The following CACNA1C variants were observed in gnomAD, a reference collection of about 807,000 sequenced individuals.
CACNA1C encodes calcium voltage-gated channel subunit alpha1 C, also known as voltage-dependent L-type calcium channel subunit alpha-1C.
In CACNA1C, 30 loss-of-function variants were observed where a neutral mutation model predicts 229.0. The ratio of observed to expected loss-of-function variants is 0.13; its 90% CI spans 0.10 to 0.18. The LOEUF (loss-of-function observed/expected upper bound fraction) is 0.18. Ranked by LOEUF, CACNA1C falls within the 10% of genes least tolerant of loss-of-function variation. The pLI is 1.00. For missense variants in CACNA1C, 1,658 were observed against 2,845.0 expected (o/e 0.58, Z 9.49); for synonymous variants, 1,114 against 1,132.5 (o/e 0.98, Z 0.33).
chr12:2,034,770 G>T lies in CACNA1C; in HGVS notation c.139+63569G>T, dbSNP rs532710864. Among the ~76,000 whole-genome samples the T allele has an allele frequency of 6.6e-6, 1 of 152,340 alleles. No homozygotes were observed. Among genetic ancestry groups the T allele is most frequent in the African/African-American group, 2.4e-5 (1 of 41,586 alleles). On this transcript the variant is annotated intron_variant, in intron 1 of 46. Transcript: ENST00000682462. This position sits in a 1 kb window ranked among gnomAD's most constrained non-coding sequence, Gnocchi z 4.1. ...TGCCTCCTTCGTGCCAGGCTCTGCA[G>T]ATATAGCTGTGAATAACAGATAGTC... is the stretch of plus-strand genomic sequence containing the variant.
chr12:2,242,796 A>G (rs1255862899), intron 3 of CACNA1C, among the ~76,000 whole-genome samples: 2 of 152,238 alleles, frequency 1.3e-5, no homozygotes, highest in Admixed American at 1.3e-4. Flanking sequence ...GGCTTGTCCA[A>G]TAATCTACCA....
At chr12:2,063,166 T>A (rs1425768820) in intron 1 of CACNA1C, among the ~76,000 whole-genome samples, 1 of 151,950 alleles carries the variant, frequency 6.6e-6, no homozygotes. Context: ...TTTTTTTTTT[T>A]TCCTGAGGTG....
chr12:2,118,660 T>C (rs1020398627), intron 2 of CACNA1C, among the ~76,000 whole-genome samples: 1 of 152,162 alleles, frequency 6.6e-6, no homozygotes, highest in Non-Finnish European at 1.5e-5. Flanking sequence ...CTGAGCAAGC[T>C]CTTGGCAGAG....
intron 3 of CACNA1C, among the ~76,000 whole-genome samples, chr12:2,306,726 C>G (rs1287213982): frequency 6.6e-6 from 1 of 152,230 alleles, no homozygotes; most frequent in Non-Finnish European, 1.5e-5. Flanking sequence ...TTGAGACACA[C>G]TGGCTTAAAG....
At chr12:2,498,636 C>T (rs375885982) in intron 7 of CACNA1C, among the ~76,000 whole-genome samples, 1 of 152,188 alleles carries the variant, frequency 6.6e-6, no homozygotes, top group African/African-American at 2.4e-5. Flanking sequence ...GCAGGACATG[C>T]GGAGGAACAC....
intron 22 of CACNA1C, among the ~76,000 whole-genome samples, chr12:2,604,778 T>C (rs570872786): frequency 2.0e-5 from 3 of 152,214 alleles, no homozygotes; most frequent in Non-Finnish European, 4.4e-5. Flanking sequence ...TGAATTTCTT[T>C]CTGTGACACT....
Position 2,688,661 on chromosome 12 carries a change from C to T in CACNA1C, c.5999C>T (p.Pro2000Leu). ...IHCGSWAETTPGGGGSSAARR... is the reference protein window; with the variant it reads ...IHCGSWAETTLGGGGSSAARR... ...TGCGGCTCCTGGGCTGAGACCACCC[C>T]CGGTGGCGGGGGCAGCAGCGCCGCC... Residue 2000 changes from proline to leucine, a missense_variant, in exon 46 of 47, where the codon CCC (proline) becomes CTC (leucine). Pro to Leu is a moderately conservative substitution (Grantham distance 98, BLOSUM62 -3). Around this residue, in one of 20 missense-constraint regions of CACNA1C, gnomAD observed 590 missense variants for 700.8 expected, o/e 0.84. Coordinates refer to ENST00000399655, the MANE Select transcript of CACNA1C (RefSeq NM_000719.7). The T allele has an allele frequency of 6.2e-7, 1 of 1,613,670 alleles. No homozygotes were observed. The highest frequency in any genetic ancestry group is 1.1e-5 in the South Asian group (1 of 91,072).
chr12:2,093,599 G>T (rs753632670), intron 1 of CACNA1C, among the ~76,000 whole-genome samples: 1 of 152,212 alleles, frequency 6.6e-6, no homozygotes, highest in South Asian at 2.1e-4. Flanking sequence ...TCATGTGGGG[G>T]ACTTGCCTCC....
intron 3 of CACNA1C, among the ~76,000 whole-genome samples, chr12:2,235,117 G>C (rs1167297323): frequency 1.3e-5 from 2 of 152,312 alleles, no homozygotes; most frequent in Admixed American, 6.5e-5. Flanking sequence ...TCTATACGTG[G>C]CTCTCTGAGG....
intron 3 of CACNA1C, among the ~76,000 whole-genome samples, chr12:2,367,005 A>T (rs1241079392): frequency 2.0e-5 from 3 of 152,186 alleles, no homozygotes; most frequent in African/African-American, 7.2e-5. Flanking sequence ...TGATTCAGTA[A>T]TGTCCCACCA....
At chr12:2,443,910 C>T (rs2099252368) in intron 3 of CACNA1C, among the ~76,000 whole-genome samples, 1 of 152,150 alleles carries the variant, frequency 6.6e-6, no homozygotes, top group African/African-American at 2.4e-5. Context: ...GGCAGTCATG[C>T]CTCTAAGGTC....
chr12:2,252,700 G>C (rs1566683578), intron 3 of CACNA1C, among the ~76,000 whole-genome samples: 1 of 152,194 alleles, frequency 6.6e-6, no homozygotes. Flanking sequence ...GAAGGTGTTT[G>C]TGCGGGGACA....
Position 2,488,380 on chromosome 12 carries a change from C to T in CACNA1C, c.916+2118C>T, listed in dbSNP as rs905108368. Among the ~76,000 whole-genome samples the T allele has an allele frequency of 8.5e-5, 13 of 152,156 alleles. No individual in the cohort carries two copies. The highest frequency in any genetic ancestry group is 1.5e-4 in the Non-Finnish European group (10 of 68,030). Reference sequence around the variant, plus strand: ...AGAAAGCATGGCACGGGGAGGGAGCCGTCCTGAAGGCCATAGCCGTAGGGC... The same window carrying T: ...AGAAAGCATGGCACGGGGAGGGAGCTGTCCTGAAGGCCATAGCCGTAGGGC... On this transcript the variant is annotated intron_variant, in intron 6 of 46. Coordinates refer to ENST00000399655, the MANE Select transcript of CACNA1C (RefSeq NM_000719.7). The surrounding 1 kb of genome is among the most constrained non-coding windows in gnomAD (Gnocchi z 4.0).
intron 39 of CACNA1C, 62 bp downstream of exon 39, chr12:2,674,704 C>T (rs2096716280): frequency 6.9e-7 from 1 of 1,442,550 alleles, no homozygotes; most frequent in Non-Finnish European, 9.4e-7. Flanking sequence ...CTCTGCCTGC[C>T]TCTCCTCCAG....
At chr12:2,449,205 C>A in intron 4 of CACNA1C, 90 bp downstream of exon 4, 1 of 968,458 alleles carries the variant, frequency 1.0e-6, no homozygotes, top group Non-Finnish European at 1.4e-6. Context: ...CGTTGTCAGA[C>A]GGCCACAAAG....
At chr12:2,256,636 A>G (rs1052690222) in intron 3 of CACNA1C, among the ~76,000 whole-genome samples, 1 of 152,236 alleles carries the variant, frequency 6.6e-6, no homozygotes, top group Non-Finnish European at 1.5e-5. Flanking sequence ...GACGTAAAGC[A>G]GATGGCGCGT....
intron 3 of CACNA1C, among the ~76,000 whole-genome samples, chr12:2,390,984 G>C (rs2098470390): frequency 6.6e-6 from 1 of 152,222 alleles, no homozygotes; most frequent in Non-Finnish European, 1.5e-5. Context: ...AGCAGTGGTG[G>C]TGTGTTGCTT....
In CACNA1C at chr12:2,565,475, GAAA is replaced by G. The variant is rs4016834; in HGVS notation, c.1509-928_1509-926del. On this transcript the variant is annotated intron_variant, in intron 11 of 46. Coordinates refer to ENST00000399655, the MANE Select transcript of CACNA1C (RefSeq NM_000719.7). ...GGCGACAGAGCGAGACTCCGTCTCA[GAAA>G]AAAAAAAAAAAAAAAAAATACCCAA... 5.7e-3 allele frequency among the ~76,000 whole-genome samples: 669 copies of G among 117,684 alleles called. 4 individuals are homozygous for G. Among genetic ancestry groups the G allele is most frequent in the East Asian group, 0.016 (63 of 3,920 alleles). 77.2% of individuals were successfully genotyped at this position (117,684 alleles called of 152,430 possible).
At chr12:2,613,195 C>T (rs562331614) in intron 29 of CACNA1C, 34 of 152,274 alleles carry the variant, frequency 2.2e-4, no homozygotes, top group African/African-American at 7.9e-4. Context: ...CTTTGGATTC[C>T]ATATCATGTG....
Sources: allele counts gnomAD v4.1 joint callset (sites outside exome capture counted in the v4.1 genomes callset), GRCh38; gene constraint gnomAD v4.1.1; regional missense constraint gnomAD v4.1.1; non-coding constraint Gnocchi (gnomAD v3.1); transcripts MANE v1.5; gene names NCBI Gene and HGNC (gene_info 2026-07-23, HGNC 2026-07-21).